Variants in PCCA observed in about 807,000 individuals in gnomAD.
PCCA encodes the protein propionyl-CoA carboxylase subunit alpha.
PCCA carries 74 observed loss-of-function variants against 101.3 expected under a neutral mutation model. That is an observed-to-expected ratio of 0.73 (90% CI 0.61 to 0.89). The LOEUF (loss-of-function observed/expected upper bound fraction) is 0.89. Among genes scored for constraint, PCCA ranks in the 40% least tolerant of loss-of-function variants. The pLI is 0.00. For missense variants in PCCA, 891 were observed against 907.0 expected (o/e 0.98, Z 0.23); for synonymous variants, 294 against 313.6 (o/e 0.94, Z 0.66).
chr13:100,092,452 G>T (rs1194846334), intron 1 of PCCA, among the ~76,000 whole-genome samples: 3 of 150,472 alleles, frequency 2.0e-5, no homozygotes, highest in Non-Finnish European at 4.4e-5. Context: ...GCATGATCTT[G>T]GCCTACTGCA....
chr13:100,466,117 A>G (rs542746701), intron 21 of PCCA: 5 of 152,252 alleles, frequency 3.3e-5, no homozygotes, highest in Non-Finnish European at 2.9e-5. Context: ...TTGGGTATAC[A>G]GTGCGTGTGC....
chr13:100,111,959 C>G, intron 3 of PCCA, 34 bp from the exon 4 acceptor site: 1 of 1,549,328 alleles, frequency 6.5e-7, no homozygotes, highest in Non-Finnish European at 8.9e-7. Flanking sequence ...AAGTGTGAAT[C>G]ACTATTAATA....
chr13:100,368,508 G>A lies in PCCA; in HGVS notation c.1680G>A (p.Glu560=). The change falls in exon 19 of 24, where the codon GAG becomes GAA. Residue 560 remains glutamate (E), a synonymous_variant. Transcript: ENST00000376285. ...TTAAACCAGACATAGCCAACTGGGA[G>A]CTCTCAGTAAAATTGCATGATAAAG... ...PVIKPDIANW[E]LSVKLHDKVH... is the part of the protein sequence containing the mutation. The A allele has an allele frequency of 1.9e-6, 3 of 1,609,468 alleles. No individual in the cohort carries two copies. The highest frequency in any genetic ancestry group is 1.1e-5 in the South Asian group (1 of 90,868).
intron 12 of PCCA, among the ~76,000 whole-genome samples, chr13:100,292,932 T>TGTGTGTGTG (rs1276886611): frequency 8.4e-6 from 1 of 119,028 alleles, no homozygotes; most frequent in Non-Finnish European, 1.7e-5. Context: ...CCTTTCCAAA[T>TGTGTGTGTG]TCGTGTGTGT....
At chr13:100,263,405 A>C (rs1423209436) in intron 10 of PCCA, among the ~76,000 whole-genome samples, 1 of 152,230 alleles carries the variant, frequency 6.6e-6, no homozygotes, top group East Asian at 1.9e-4. Context: ...GATAAAAACA[A>C]ATGTCAAATT....
intron 21 of PCCA, among the ~76,000 whole-genome samples, chr13:100,473,505 T>G (rs80019713): frequency 1.3e-5 from 2 of 152,316 alleles, no homozygotes; most frequent in Non-Finnish European, 2.9e-5. Flanking sequence ...TCCTAAGAAT[T>G]TTCTATTTCT....
intron 19 of PCCA, among the ~76,000 whole-genome samples, chr13:100,370,074 CTTTTTTTTTT>C (rs386380451): frequency 6.7e-5 from 5 of 74,670 alleles, no homozygotes; most frequent in Admixed American, 2.2e-4. Flanking sequence ...GCTGTTACTT[CTTTTTTTTTT>C]TTTTTTTTTT....
intron 10 of PCCA, among the ~76,000 whole-genome samples, chr13:100,265,570 G>A (rs1233189118): frequency 6.6e-6 from 1 of 151,852 alleles, no homozygotes; most frequent in African/African-American, 2.4e-5. Context: ...GGACACCTAC[G>A]CCTACACCCA....
At chr13:100,229,649 T>G (rs2060350639) in intron 7 of PCCA, among the ~76,000 whole-genome samples, 1 of 152,166 alleles carries the variant, frequency 6.6e-6, no homozygotes, top group African/African-American at 2.4e-5. Flanking sequence ...TCTATGTTGT[T>G]AGCCAATTGG....
chr13:100,161,497 A>G (rs573748861), intron 6 of PCCA: 2 of 152,338 alleles, frequency 1.3e-5, no homozygotes, highest in South Asian at 2.1e-4. Flanking sequence ...GCTGCAGTCC[A>G]TGATGTGTTA....
chr13:100,407,501 C>T lies in PCCA; in HGVS notation c.1747-18132C>T, dbSNP rs187366582. Among the ~76,000 whole-genome samples, 24 of 152,292 alleles carry T rather than the reference C, an allele frequency of 1.6e-4. No individual in the cohort carries two copies. The East Asian group carries it at 4.4e-3, about 28-fold the overall frequency. ...AGTAAAAACCTTTTATAGCCCTTTA[C>T]GAATTTTGCCAAAGAGCAGATTAGC... is the stretch of plus-strand genomic sequence containing the variant. On this transcript the variant is annotated intron_variant, in intron 19 of 23. Coordinates refer to ENST00000376285, the MANE Select transcript of PCCA (RefSeq NM_000282.4).
At chr13:100,282,614 GC>G (rs1365555510) in intron 12 of PCCA, among the ~76,000 whole-genome samples, 3 of 152,230 alleles carry the variant, frequency 2.0e-5, no homozygotes, top group African/African-American at 7.2e-5. Flanking sequence ...AGCAGTGCCA[GC>G]CCACCGTGCT....
chr13:100,359,897 G>C (rs1157609528), intron 18 of PCCA, among the ~76,000 whole-genome samples: 1 of 152,216 alleles, frequency 6.6e-6, no homozygotes, highest in African/African-American at 2.4e-5. Context: ...AGGCCCGATA[G>C]TAATTCTATT....
At position 100,155,086 on chromosome 13, in the gene PCCA, C is replaced by T. The variant is rs1351798116; in HGVS notation, c.408C>T (p.Ala136=). The T allele has an allele frequency of 6.2e-7, 1 of 1,604,558 alleles. No individual in the cohort carries two copies. The highest frequency in any genetic ancestry group is 1.3e-5 in the African/African-American group (1 of 74,656). ...TGGAAGCCATTAAGAAAACCAGGGC[C>T]CAAGCTGTGAGTCTGAATGAATCTA... ...AIMEAIKKTR[A]QAVHPGYGFL... is the part of the protein sequence containing the mutation. The change falls in exon 5 of 24, where the codon GCC becomes GCT. Residue 136 remains alanine, a synonymous_variant. Transcript: ENST00000376285.
In PCCA at chr13:100,247,715, C is replaced by T. The variant is rs547456695; in HGVS notation, c.638-9880C>T. On this transcript the variant is annotated intron_variant, in intron 8 of 23. Coordinates refer to ENST00000376285, the MANE Select transcript of PCCA (RefSeq NM_000282.4). ...ATTTTTAGTAGAGATGAGGTTTCAC[C>T]ATGTTGGCCAGGCTGGTCTCGGACT... Among the ~76,000 whole-genome samples the T allele has an allele frequency of 6.6e-5, 10 of 151,690 alleles. No homozygotes were observed. In the South Asian group the frequency reaches 8.4e-4, roughly 13 times the overall value.
At chr13:100,503,926 T>C (rs139118565) in intron 21 of PCCA, among the ~76,000 whole-genome samples, 6 of 152,304 alleles carry the variant, frequency 3.9e-5, no homozygotes, top group African/African-American at 1.4e-4. Context: ...TCTTCAGTGT[T>C]TCATTTTACC....
At chr13:100,285,679 G>A (rs143284395) in intron 12 of PCCA, among the ~76,000 whole-genome samples, 4 of 152,100 alleles carry the variant, frequency 2.6e-5, no homozygotes, top group African/African-American at 2.4e-5. Context: ...AAATACGCAC[G>A]TGTGTGGCCC....
intron 16 of PCCA, among the ~76,000 whole-genome samples, chr13:100,327,287 A>G (rs987695787): frequency 6.6e-6 from 1 of 152,110 alleles, no homozygotes; most frequent in African/African-American, 2.4e-5. Flanking sequence ...GCTCGTTTGC[A>G]TGTCCTAAAA....
chr13:100,478,598 C>T (rs544034628), intron 21 of PCCA, among the ~76,000 whole-genome samples: 3 of 152,150 alleles, frequency 2.0e-5, no homozygotes, highest in Admixed American at 6.5e-5. Context: ...CTGTTACCCT[C>T]GACGCCATGA....
Sources: allele counts gnomAD v4.1 joint callset (sites outside exome capture counted in the v4.1 genomes callset), GRCh38; gene constraint gnomAD v4.1.1; transcripts MANE v1.5; gene names NCBI Gene and HGNC (gene_info 2026-07-23, HGNC 2026-07-21).